Variants in RBP3 observed in about 807,000 individuals in gnomAD.
RBP3 encodes the protein retinol-binding protein 3.
In RBP3, 50 loss-of-function variants were observed where a neutral mutation model predicts 64.8. The observed-to-expected ratio is 0.77, with a 90% CI of 0.61 to 0.98. The LOEUF (loss-of-function observed/expected upper bound fraction) is 0.98. RBP3 is among the 50% of genes least tolerant of loss of function. RBP3 has a pLI of 0.00. For synonymous variants in RBP3, 828 were observed against 730.2 expected (o/e 1.13, Z -2.16); for missense variants, 1,712 against 1,660.5 (o/e 1.03, Z -0.54).
Position 47,357,385 on chromosome 10 carries a change from C to T in RBP3, c.3672C>T (p.Ala1224=), listed in dbSNP as rs1448790593. Residue 1224 remains alanine, a synonymous_variant, in exon 4 of 4, where the codon GCC becomes GCT. Coordinates refer to ENST00000584701, the MANE Select transcript of RBP3 (RefSeq NM_002900.3). The stretch of plus-strand genomic sequence containing the variant: ...TTGTCCCTGCAGAAGAGGCTCTCGC[C>T]AGGGCCAAGGAGATGCTCCAGCACA... ...HVVVPAEEAL[A]RAKEMLQHNQ... is the part of the protein sequence containing the mutation. 3 of 1,614,006 alleles carry T rather than the reference C, an allele frequency of 1.9e-6. No homozygotes were observed. Among genetic ancestry groups the T allele is most frequent in the South Asian group, 2.2e-5 (2 of 91,086 alleles).
chr10:47,351,380 A>G lies in RBP3; in HGVS notation c.2896A>G (p.Ser966Gly). The change falls in exon 1 of 4, where the codon AGC becomes GGC. Residue 966 changes from serine (S) to glycine (G), a missense_variant. Coordinates refer to ENST00000584701, the MANE Select transcript of RBP3 (RefSeq NM_002900.3). ...ELGAKMATKL[S>G]GLQSRYSRVT... Reference sequence around the variant, plus strand: ...GGGGGCCAAGATGGCCACCAAACTGAGCGGTCTGCAGAGCCGCTACTCCAG... The same window carrying G: ...GGGGGCCAAGATGGCCACCAAACTGGGCGGTCTGCAGAGCCGCTACTCCAG... The G allele has an allele frequency of 6.2e-7, 1 of 1,613,516 alleles. No individual in the cohort carries two copies. Among genetic ancestry groups the G allele is most frequent in the Non-Finnish European group, 8.5e-7 (1 of 1,180,014 alleles).
At position 47,350,133 on chromosome 10, in the gene RBP3, A is replaced by C. The variant is rs1836939404; in HGVS notation, c.1649A>C (p.Glu550Ala). 6.2e-7 allele frequency: 1 copy of C among 1,612,988 alleles called. No individual in the cohort carries two copies. The highest frequency in any genetic ancestry group is 1.3e-5 in the African/African-American group (1 of 75,062). ...AGCCACCGCACCGCCACGGCCGCGG[A>C]GGAGTTCGCCTTCCTTATGCAGTCG... ...LTSHRTATAAEEFAFLMQSLG... is the reference protein window; with the variant it reads ...LTSHRTATAAAEFAFLMQSLG... Residue 550 changes from glutamate (E) to alanine (A), a missense_variant, in exon 1 of 4, where the codon GAG (glutamate) becomes GCG (alanine). Glu to Ala is a moderately radical substitution (Grantham distance 107, BLOSUM62 -1). Transcript: ENST00000584701.
chr10:47,355,887 C>G (rs1299664212), intron 3 of RBP3, among the ~76,000 whole-genome samples: 1 of 152,186 alleles, frequency 6.6e-6, no homozygotes, highest in Non-Finnish European at 1.5e-5. Flanking sequence ...CCTCACCAAC[C>G]CCAGTGGGCA....
rs1459201273 is a variant in RBP3 at position 47,353,518 on chromosome 10, C to G, written c.3245+3C>G. ...GATGCCATGATCATCGACATGAGGT[C>G]AGTGGCCAGGGGTCAGTGCTTCCTA... On this transcript the variant is annotated splice_donor_region_variant and intron_variant, in intron 2 of 3. Transcript: ENST00000584701. 25 of 1,613,684 alleles carry G rather than the reference C, an allele frequency of 1.5e-5. No individual in the cohort carries two copies. The highest frequency in any genetic ancestry group is 2.1e-5 in the Non-Finnish European group (25 of 1,179,994).
intron 3 of RBP3, among the ~76,000 whole-genome samples, 196 bp from the exon 4 acceptor site, chr10:47,356,906 G>A (rs1208672238): frequency 6.6e-6 from 1 of 152,138 alleles, no homozygotes. Flanking sequence ...CTCGTGATTG[G>A]GCATGCATTC....
chr10:47,351,004 C>T lies in RBP3; in HGVS notation c.2520C>T (p.Leu840=). 1 of 1,611,110 alleles carries T rather than the reference C, an allele frequency of 6.2e-7. No individual in the cohort carries two copies. The highest frequency in any genetic ancestry group is 1.1e-5 in the South Asian group (1 of 91,024). Residue 840 remains leucine, a synonymous_variant, in exon 1 of 4, where the codon CTC becomes CTT. Coordinates refer to ENST00000584701, the MANE Select transcript of RBP3 (RefSeq NM_002900.3). ...AGCGCTACGGCTCACACAAGGACCT[C>T]TACATCCTGATGAGCCACACCAGTG... ...AGQRYGSHKD[L]YILMSHTSGS...
intron 3 of RBP3, among the ~76,000 whole-genome samples, chr10:47,356,109 A>G (rs1555211957): frequency 6.6e-6 from 1 of 152,158 alleles, no homozygotes; most frequent in African/African-American, 2.4e-5. Context: ...CCCAGTGTGT[A>G]AGACCAAGGA....
rs781920668 is a variant in RBP3 at position 47,350,585 on chromosome 10, G to A, written c.2101G>A (p.Val701Met). The A allele has an allele frequency of 2.6e-5, 42 of 1,612,890 alleles. No individual in the cohort carries two copies. The highest frequency in any genetic ancestry group is 3.5e-5 in the Non-Finnish European group (41 of 1,180,036). ...QEVSGDHRLL[V>M]FHSPGELVVE... ...GGTGTCTGGGGACCACCGCTTGCTA[G>A]TGTTCCACAGCCCTGGCGAGCTGGT... Residue 701 changes from valine to methionine, a missense_variant, in exon 1 of 4, where the codon GTG becomes ATG. By Grantham distance (21) the Val-to-Met change is conservative. Transcript: ENST00000584701.
rs782157847 is a variant in RBP3, at chr10:47,351,467, G to C, written c.2983G>C (p.Asp995His). The C allele has an allele frequency of 6.2e-7, 1 of 1,613,846 alleles. No homozygotes were observed. The highest frequency in any genetic ancestry group is 1.1e-5 in the South Asian group (1 of 91,084). The change falls in exon 1 of 4, where the codon GAC becomes CAC. Residue 995 changes from aspartate to histidine, a missense_variant. Transcript: ENST00000584701. Reference sequence around the variant, plus strand: ...GGCTGACCTGCAGATGCTCTCCGGAGACCCACACCTGAAGGCAGCCCATAT... The same window carrying C: ...GGCTGACCTGCAGATGCTCTCCGGACACCCACACCTGAAGGCAGCCCATAT... ...LGADLQMLSGDPHLKAAHIPE... is the reference protein window; with the variant it reads ...LGADLQMLSGHPHLKAAHIPE...
chr10:47,353,895 C>G (rs1176290661), intron 2 of RBP3, among the ~76,000 whole-genome samples: 1 of 152,210 alleles, frequency 6.6e-6, no homozygotes, highest in African/African-American at 2.4e-5. Context: ...CCGATAATCT[C>G]TATTTGACAG....
chr10:47,355,482 T>G lies in RBP3; in HGVS notation c.3352T>G (p.Ser1118Ala), dbSNP rs200488438. The G allele has an allele frequency of 6.2e-7, 1 of 1,614,230 alleles. No homozygotes were observed. Among genetic ancestry groups the G allele is most frequent in the African/African-American group, 1.3e-5 (1 of 75,056 alleles). ...CAAGATCTACAGCCGGCCTGATGAC[T>G]CTGTCAGTGAACTCTGGACACACGC... ...LDKIYSRPDD[S>A]VSELWTHAQV... The change falls in exon 3 of 4, where the codon TCT (serine) becomes GCT (alanine). Residue 1118 changes from serine to alanine, a missense_variant. Coordinates refer to ENST00000584701, the MANE Select transcript of RBP3 (RefSeq NM_002900.3).
chr10:47,348,442 C>G lies in RBP3; in HGVS notation c.-43C>G, dbSNP rs1555210838. 1 of 1,592,084 alleles carries G rather than the reference C, an allele frequency of 6.3e-7. No homozygotes were observed. Among genetic ancestry groups the G allele is most frequent in the Admixed American group, 1.7e-5 (1 of 59,510 alleles). The stretch of plus-strand genomic sequence containing the variant: ...CAGGGCCACGGCCTTGCACACAGTC[C>G]AGGGAGCTTTTGTGCAGGAGCCAGG... On this transcript the variant is annotated 5_prime_UTR_variant, in exon 1 of 4. Transcript: ENST00000584701.
At position 47,348,406 on chromosome 10, in the gene RBP3, G is replaced by A; in HGVS notation, c.-79G>A. On this transcript the variant is annotated 5_prime_UTR_variant, in exon 1 of 4. Coordinates refer to ENST00000584701, the MANE Select transcript of RBP3 (RefSeq NM_002900.3). The stretch of plus-strand genomic sequence containing the variant: ...CTGAGAAGGACAAGGGCGGAAGGCA[G>A]CTGCACAGAGCAGGGCCACGGCCTT... The A allele has an allele frequency of 1.3e-6, 2 of 1,511,038 alleles. No individual in the cohort carries two copies. The highest frequency in any genetic ancestry group is 1.8e-6 in the Non-Finnish European group (2 of 1,117,072). The allele number at this position is 1,511,038 out of a possible 1,614,324, so 93.6% of individuals were successfully genotyped here. A position where few individuals can be genotyped will look rare whatever the true frequency, so the allele number is the denominator to read the frequency against.
rs781847641 is a variant in RBP3 at position 47,351,350 on chromosome 10, G to A, written c.2866G>A (p.Glu956Lys). Residue 956 changes from glutamate to lysine, a missense_variant, in exon 1 of 4, where the codon GAG (glutamate) becomes AAG (lysine). Glu to Lys is a moderately conservative substitution (Grantham distance 56, BLOSUM62 1). Transcript: ENST00000584701. ...KLVADNYASA[E>K]LGAKMATKLS... ...GGTGGCTGATAACTATGCCTCTGCC[G>A]AGCTGGGGGCCAAGATGGCCACCAA... is the stretch of plus-strand genomic sequence containing the variant. The A allele has an allele frequency of 1.4e-5, 23 of 1,613,422 alleles. No individual in the cohort carries two copies. Among genetic ancestry groups the A allele is most frequent in the Middle Eastern group, 1.6e-4 (1 of 6,084 alleles).
In RBP3 at chr10:47,348,826, T is replaced by A. The variant is rs1836895849; in HGVS notation, c.342T>A (p.Leu114=). The A allele has an allele frequency of 6.2e-7, 1 of 1,613,806 alleles. No homozygotes were observed. Among genetic ancestry groups the A allele is most frequent in the Non-Finnish European group, 8.5e-7 (1 of 1,180,012 alleles). The change falls in exon 1 of 4, where the codon CTT becomes CTA. Residue 114 remains leucine, a synonymous_variant. Coordinates refer to ENST00000584701, the MANE Select transcript of RBP3 (RefSeq NM_002900.3). The stretch of plus-strand genomic sequence containing the variant: ...CCAGCCTCTCAGAAGAGGAACTGCT[T>A]GCCTGGCTGCAAAGGGGCCTCCGCC... ...ALTSLSEEEL[L]AWLQRGLRHE...
At chr10:47,353,241 T>C in intron 1 of RBP3, 84 bp from the exon 2 acceptor site, 1 of 1,275,284 alleles carries the variant, frequency 7.8e-7, no homozygotes, top group Non-Finnish European at 1.1e-6. Flanking sequence ...CCCATGCCCT[T>C]AATATTTCCC....
At position 47,350,129 on chromosome 10, in the gene RBP3, G is replaced by A. The variant is rs140357670; in HGVS notation, c.1645G>A (p.Ala549Thr). Reference protein sequence around the residue: ...LLTSHRTATAAEEFAFLMQSL... With the variant: ...LLTSHRTATATEEFAFLMQSL... ...CACCAGCCACCGCACCGCCACGGCC[G>A]CGGAGGAGTTCGCCTTCCTTATGCA... Residue 549 changes from alanine to threonine, a missense_variant, in exon 1 of 4, where the codon GCG (alanine) becomes ACG (threonine). Physicochemically the swap from Ala to Thr is moderately conservative, Grantham distance 58. Coordinates refer to ENST00000584701, the MANE Select transcript of RBP3 (RefSeq NM_002900.3). 18 of 1,612,934 alleles carry A rather than the reference G, an allele frequency of 1.1e-5. No individual in the cohort carries two copies. The East Asian group carries it at 1.3e-4, about 12-fold the overall frequency.
Position 47,357,266 on chromosome 10 carries a change from G to A in RBP3, c.3553G>A (p.Asp1185Asn). The A allele has an allele frequency of 6.2e-7, 1 of 1,614,138 alleles. No individual in the cohort carries two copies. Among genetic ancestry groups the A allele is most frequent in the Non-Finnish European group, 8.5e-7 (1 of 1,180,034 alleles). ...CQPPQTYHVD[D>N]TNLYLTIPTA... ...GCCACCACAGACCTACCACGTGGAT[G>A]ACACCAACCTCTACCTCACTATCCC... is the stretch of plus-strand genomic sequence containing the variant. Residue 1185 changes from aspartate (D) to asparagine (N), a missense_variant, in exon 4 of 4, where the codon GAC becomes AAC. Physicochemically the swap from Asp to Asn is conservative, Grantham distance 23 (BLOSUM62 1). Coordinates refer to ENST00000584701, the MANE Select transcript of RBP3 (RefSeq NM_002900.3).
intron 2 of RBP3, among the ~76,000 whole-genome samples, chr10:47,353,976 C>T (rs950117113): frequency 6.6e-6 from 1 of 152,180 alleles, no homozygotes; most frequent in Non-Finnish European, 1.5e-5. Context: ...GTGTGCCTCA[C>T]ATCATACAAA....
Sources: allele counts gnomAD v4.1 joint callset (sites outside exome capture counted in the v4.1 genomes callset), GRCh38; gene constraint gnomAD v4.1.1; transcripts MANE v1.5; gene names NCBI Gene and HGNC (gene_info 2026-07-23, HGNC 2026-07-21).